Variants in NAALADL2 observed in about 807,000 individuals in gnomAD.
NAALADL2 encodes N-acetylated alpha-linked acidic dipeptidase like 2.
A neutral mutation model predicts 87.2 loss-of-function variants in NAALADL2; 76 were observed. The ratio of observed to expected loss-of-function variants is 0.87; its 90% confidence interval spans 0.72 to 1.05. The LOEUF (loss-of-function observed/expected upper bound fraction) is 1.05, where lower values mean the gene tolerates loss of function less well. Ranked by LOEUF, NAALADL2 falls within the 50% of genes least tolerant of loss-of-function variation. The pLI is 0.00. For missense variants in NAALADL2, 1,089 were observed against 945.8 expected, an observed-to-expected ratio of 1.15 and a Z score of -1.99; for synonymous variants, 354 against 331.0, an observed-to-expected ratio of 1.07 and a Z score of -0.75.
intron 10 of NAALADL2, among the ~76,000 whole-genome samples, chr3:175,623,400 T>C (rs1208751598): frequency 6.6e-6 from 1 of 152,126 alleles, no homozygotes; most frequent in Non-Finnish European, 1.5e-5. Context: ...TCTTGAGGTC[T>C]GCTCTTAGAA....
chr3:174,454,536 ACT>A (rs950317739), intron 1 of NAALADL2, among the ~76,000 whole-genome samples: 1 of 152,200 alleles, frequency 6.6e-6, no homozygotes, highest in African/African-American at 2.4e-5. Context: ...CGTAAGAACC[ACT>A]CTCTCAGACA....
At chr3:175,314,850 A>G (rs1018315299) in intron 4 of NAALADL2, among the ~76,000 whole-genome samples, 2 of 150,968 alleles carry the variant, frequency 1.3e-5, no homozygotes, top group African/African-American at 4.9e-5. Flanking sequence ...TTCATTCATT[A>G]CTGGATACAT....
At chr3:175,484,783 A>G (rs1582084378) in intron 9 of NAALADL2, among the ~76,000 whole-genome samples, 1 of 152,290 alleles carries the variant, frequency 6.6e-6, no homozygotes, top group East Asian at 1.9e-4. Context: ...ACCCAGGAGC[A>G]TGAACACTTG....
chr3:174,469,569 C>T (rs1365922629), intron 1 of NAALADL2, among the ~76,000 whole-genome samples: 2 of 152,068 alleles, frequency 1.3e-5, no homozygotes, highest in Admixed American at 1.3e-4. Flanking sequence ...GCTGGGACTA[C>T]AGGTACCCGC....
intron 1 of NAALADL2, among the ~76,000 whole-genome samples, chr3:174,467,698 T>C (rs1014079760): frequency 4.0e-5 from 6 of 149,066 alleles, no homozygotes; most frequent in East Asian, 2.0e-4. Context: ...TATAGCTATA[T>C]AAAATGATGA....
At chr3:175,381,688 T>G (rs572565928) in intron 5 of NAALADL2, among the ~76,000 whole-genome samples, 133 of 152,340 alleles carry the variant, frequency 8.7e-4, no homozygotes, top group African/African-American at 3.1e-3. Context: ...ATTAATGATT[T>G]GGCTTATATG....
chr3:175,502,412 A>G (rs933600928), intron 9 of NAALADL2, among the ~76,000 whole-genome samples: 2 of 152,186 alleles, frequency 1.3e-5, no homozygotes, highest in Admixed American at 1.3e-4. Context: ...AGGCAATGCG[A>G]CAAGTAAGAG....
intron 1 of NAALADL2, among the ~76,000 whole-genome samples, chr3:174,958,910 C>G (rs1741561679): frequency 6.6e-6 from 1 of 152,020 alleles, no homozygotes; most frequent in Non-Finnish European, 1.5e-5. Context: ...TTTATAAGCA[C>G]TTAGCAGTGC....
chr3:175,103,955 C>A (rs1722666913), intron 2 of NAALADL2, among the ~76,000 whole-genome samples: 1 of 152,162 alleles, frequency 6.6e-6, no homozygotes, highest in African/African-American at 2.4e-5. Flanking sequence ...CTATGTCTTT[C>A]TCACCAGTAC....
Position 175,632,266 on chromosome 3 carries a change from T to TTCTCTCTCTCTCTC in NAALADL2, c.1896+4911_1896+4924dup, listed in dbSNP as rs61458338. 1.4e-3 allele frequency among the ~76,000 whole-genome samples: 178 copies of TTCTCTCTCTCTCTC among 129,540 alleles called. 1 individual carries two copies. The highest frequency in any genetic ancestry group is 4.8e-3 in the African/African-American group (177 of 37,178). 85.0% of individuals were successfully genotyped at this position (129,540 alleles called of 152,430 possible). The stretch of plus-strand genomic sequence containing the variant: ...TTTAAAAGTGTGTGGCACTTTCCCC[T>TTCTCTCTCTCTCTC]TCTCTCTCTCTCTCTCTCTCTCTCT... On this transcript the variant is annotated intron_variant, in intron 11 of 13. Transcript: ENST00000454872.
chr3:175,611,257 GAA>G (rs1301578967), intron 10 of NAALADL2, among the ~76,000 whole-genome samples: 1 of 152,054 alleles, frequency 6.6e-6, no homozygotes, highest in African/African-American at 2.4e-5. Context: ...AATTTCAAGT[GAA>G]ATTAAATTTG....
chr3:175,347,195 A>T (rs1311195565), intron 5 of NAALADL2, among the ~76,000 whole-genome samples: 12 of 152,302 alleles, frequency 7.9e-5, no homozygotes. Flanking sequence ...TTTTCAACTG[A>T]TACTGCTGAC....
chr3:175,059,887 T>A, intron 1 of NAALADL2: 2 of 351,496 alleles, frequency 5.7e-6, no homozygotes. Context: ...AAGACACGAG[T>A]TCACAGGCAA....
At chr3:175,165,317 C>A (rs906841685) in intron 2 of NAALADL2, among the ~76,000 whole-genome samples, 2 of 152,092 alleles carry the variant, frequency 1.3e-5, no homozygotes, top group Non-Finnish European at 2.9e-5. Flanking sequence ...TCCCCAGTGC[C>A]TCACAGGATT....
intron 3 of NAALADL2, among the ~76,000 whole-genome samples, chr3:174,803,922 C>A (rs1259804611): frequency 6.6e-6 from 1 of 152,006 alleles, no homozygotes; most frequent in East Asian, 1.9e-4. Flanking sequence ...TAGCTTTGTT[C>A]TTTTGCTTAG....
At chr3:174,528,168 T>C (rs1415867004) in intron 1 of NAALADL2, among the ~76,000 whole-genome samples, 1 of 152,194 alleles carries the variant, frequency 6.6e-6, no homozygotes, top group Non-Finnish European at 1.5e-5. Flanking sequence ...ATGTACTATC[T>C]CTTTTGAGAA....
At chr3:174,517,148 T>C (rs1180367091) in intron 1 of NAALADL2, among the ~76,000 whole-genome samples, 1 of 152,008 alleles carries the variant, frequency 6.6e-6, no homozygotes, top group Non-Finnish European at 1.5e-5. Context: ...TTATTTTCTA[T>C]AAGAGAAAAT....
At chr3:175,080,329 C>T (rs76825708) in intron 1 of NAALADL2, among the ~76,000 whole-genome samples, 1 of 152,144 alleles carries the variant, frequency 6.6e-6, no homozygotes, top group Non-Finnish European at 1.5e-5. Flanking sequence ...GTTAACATAA[C>T]TTATTTCTGC....
chr3:175,652,202 A>C (rs184878057), intron 11 of NAALADL2, among the ~76,000 whole-genome samples: 28 of 152,308 alleles, frequency 1.8e-4, no homozygotes, highest in Admixed American at 1.8e-3. Context: ...GTAAGCAATA[A>C]AGCATAGATC....
Sources: allele counts gnomAD v4.1 joint callset (sites outside exome capture counted in the v4.1 genomes callset), GRCh38; gene constraint gnomAD v4.1.1; transcripts MANE v1.5; gene names NCBI Gene and HGNC (gene_info 2026-07-23, HGNC 2026-07-21).